PDSS2: variants seen among roughly 807,000 people sequenced by gnomAD.
PDSS2 encodes the protein decaprenyl diphosphate synthase subunit 2.
A neutral mutation model predicts 44.5 loss-of-function variants in PDSS2; 31 were observed. The ratio of observed to expected loss-of-function variants is 0.70; its 90% CI spans 0.52 to 0.94. The LOEUF is 0.94. Ranked by LOEUF, PDSS2 falls within the 40% of genes least tolerant of loss-of-function variation. The probability of loss-of-function intolerance (pLI) is 0.00; values close to 1 mark genes in which losing one functional copy is unlikely to be tolerated. For missense variants in PDSS2, 452 were observed against 482.2 expected, an observed-to-expected ratio of 0.94 and a Z score of 0.59; for synonymous variants, 157 against 180.3, an observed-to-expected ratio of 0.87 and a Z score of 1.03.
chr6:107,346,818 T>A (rs1281296672), intron 1 of PDSS2, among the ~76,000 whole-genome samples: 1 of 152,222 alleles, frequency 6.6e-6, no homozygotes, highest in Non-Finnish European at 1.5e-5. Context: ...TGAAACATTT[T>A]AAAAAATATT....
intron 2 of PDSS2, among the ~76,000 whole-genome samples, chr6:107,275,817 T>C (rs1297620815): frequency 1.3e-5 from 2 of 152,068 alleles, no homozygotes; most frequent in African/African-American, 4.8e-5. Flanking sequence ...TGTATCTTAC[T>C]GAAAAGGGAA....
At chr6:107,454,710 C>T (rs1229310707) in intron 1 of PDSS2, among the ~76,000 whole-genome samples, 1 of 151,662 alleles carries the variant, frequency 6.6e-6, no homozygotes, top group Non-Finnish European at 1.5e-5. Flanking sequence ...AGACATGATT[C>T]ACCCCTAACA....
chr6:107,275,321 G>C (rs901209865), intron 2 of PDSS2, among the ~76,000 whole-genome samples: 1 of 152,136 alleles, frequency 6.6e-6, no homozygotes, highest in Admixed American at 6.5e-5. Flanking sequence ...TCTTTTAATA[G>C]GTGAAAAAAT....
At chr6:107,291,093 G>T (rs749995682) in intron 2 of PDSS2, among the ~76,000 whole-genome samples, 1 of 151,444 alleles carries the variant, frequency 6.6e-6, no homozygotes, top group Non-Finnish European at 1.5e-5. Context: ...AGAATCTTTC[G>T]TGATGATAAC....
intron 4 of PDSS2, 26 bp downstream of exon 4, chr6:107,245,522 C>A: frequency 8.1e-7 from 1 of 1,240,164 alleles, no homozygotes; most frequent in Admixed American, 1.8e-5. Context: ...TATAACATAA[C>A]ATTTTATGAC....
chr6:107,164,555 C>T (rs1253994206), intron 7 of PDSS2, among the ~76,000 whole-genome samples: 1 of 152,132 alleles, frequency 6.6e-6, no homozygotes, highest in Non-Finnish European at 1.5e-5. Context: ...TTTTATCAAT[C>T]CAGTCTATCA....
chr6:107,429,899 AAAATATATATATATAT>A lies in PDSS2; in HGVS notation c.296+29075_296+29090del, dbSNP rs1287244481. 1.7e-3 allele frequency among the ~76,000 whole-genome samples: 69 copies of A among 41,418 alleles called. 6 individuals are homozygous for A. In the East Asian group the frequency reaches 0.018, roughly 11 times the overall value. The allele number at this position is 41,418 out of a possible 152,430, so 27.2% of individuals were successfully genotyped here. Reference sequence around the variant, plus strand: ...AACTTAGTCTCAAAAAAAAAAAAAAAAAATATATATATATATATATATATATATATATATATATACA... The same window carrying A: ...AACTTAGTCTCAAAAAAAAAAAAAAAATATATATATATATATATATATACA... On this transcript the variant is annotated intron_variant, in intron 1 of 7. Transcript: ENST00000369037.
At chr6:107,415,802 T>G (rs1470672424) in intron 1 of PDSS2, among the ~76,000 whole-genome samples, 1 of 152,228 alleles carries the variant, frequency 6.6e-6, no homozygotes, top group South Asian at 2.1e-4. Flanking sequence ...TTGTTCCTTC[T>G]GCTATCAGTC....
At chr6:107,279,650 T>TA (rs962040213) in intron 2 of PDSS2, among the ~76,000 whole-genome samples, 19 of 152,064 alleles carry the variant, frequency 1.2e-4, no homozygotes, top group Non-Finnish European at 2.6e-4. Context: ...GGGATTTTTT[T>TA]AAAAAAAGAG....
At chr6:107,316,589 T>C (rs1777207455) in intron 2 of PDSS2, among the ~76,000 whole-genome samples, 1 of 152,178 alleles carries the variant, frequency 6.6e-6, no homozygotes, top group Non-Finnish European at 1.5e-5. Flanking sequence ...ATGATAGTAA[T>C]ACTCATTTTC....
intron 1 of PDSS2, among the ~76,000 whole-genome samples, chr6:107,398,491 A>T (rs1416225555): frequency 6.6e-6 from 1 of 152,220 alleles, no homozygotes; most frequent in Non-Finnish European, 1.5e-5. Flanking sequence ...GATATAAGCC[A>T]CAAAAGCAAA....
intron 7 of PDSS2, among the ~76,000 whole-genome samples, chr6:107,188,699 G>C (rs1402340043): frequency 6.6e-6 from 1 of 152,118 alleles, no homozygotes; most frequent in African/African-American, 2.4e-5. Flanking sequence ...CATGCCCTTG[G>C]TGACGAGTGA....
chr6:107,356,115 A>G (rs9372158), intron 1 of PDSS2, among the ~76,000 whole-genome samples: 46,218 of 152,052 alleles, frequency 0.3, 7,876 homozygotes, highest in South Asian at 0.57. Context: ...TACCAGACTG[A>G]GGTATGAAAA....
At chr6:107,182,977 A>C (rs1241277720) in intron 7 of PDSS2, among the ~76,000 whole-genome samples, 5 of 152,100 alleles carry the variant, frequency 3.3e-5, no homozygotes, top group Non-Finnish European at 7.4e-5. Flanking sequence ...TTGGGAGGCC[A>C]AGGTAGGAGG....
intron 4 of PDSS2, among the ~76,000 whole-genome samples, chr6:107,224,107 T>C (rs1773706864): frequency 6.6e-6 from 1 of 151,190 alleles, no homozygotes; most frequent in South Asian, 2.1e-4. Context: ...TCCCCATGCA[T>C]TGAGTGCTGT....
chr6:107,254,525 C>A (rs1053765732), intron 3 of PDSS2, among the ~76,000 whole-genome samples: 1 of 152,116 alleles, frequency 6.6e-6, no homozygotes, highest in Admixed American at 6.6e-5. Context: ...TATCATATAG[C>A]AGTTAGTTGC....
intron 3 of PDSS2, among the ~76,000 whole-genome samples, chr6:107,253,066 C>G (rs903477991): frequency 1.3e-5 from 2 of 152,182 alleles, no homozygotes; most frequent in Admixed American, 6.5e-5. Context: ...GATAGAGTCT[C>G]GCTCTGTCAC....
At chr6:107,265,604 T>C (rs1249796022) in intron 3 of PDSS2, among the ~76,000 whole-genome samples, 1 of 152,190 alleles carries the variant, frequency 6.6e-6, no homozygotes, top group Non-Finnish European at 1.5e-5. Context: ...TAAAACATCA[T>C]TAAATAGAAT....
intron 1 of PDSS2, among the ~76,000 whole-genome samples, chr6:107,436,199 G>A (rs958227756): frequency 2.0e-5 from 3 of 152,096 alleles, no homozygotes; most frequent in African/African-American, 7.2e-5. Context: ...GTAACTAATG[G>A]GCCTCTAAGG....
Sources: allele counts gnomAD v4.1 joint callset (sites outside exome capture counted in the v4.1 genomes callset), GRCh38; gene constraint gnomAD v4.1.1; transcripts MANE v1.5; gene names NCBI Gene and HGNC (gene_info 2026-07-23, HGNC 2026-07-21).